FAM204A: variants seen among roughly 807,000 people sequenced by gnomAD.
FAM204A encodes the protein protein FAM204A.
In FAM204A, 16 loss-of-function variants were observed where a neutral mutation model predicts 35.4. The observed-to-expected ratio is 0.45, with a 90% CI of 0.31 to 0.69. FAM204A has a LOEUF of 0.69. FAM204A is among the 30% of genes least tolerant of loss of function. The probability of loss-of-function intolerance (pLI) is 0.07; values close to 1 mark genes in which losing one functional copy is unlikely to be tolerated. For synonymous variants in FAM204A, 76 were observed against 86.9 expected (o/e 0.88, Z 0.70); for missense variants, 240 against 265.7 (o/e 0.90, Z 0.67).
At chr10:118,316,482 C>A (rs1399449460) in intron 7 of FAM204A, among the ~76,000 whole-genome samples, 2 of 152,144 alleles carry the variant, frequency 1.3e-5, no homozygotes, top group African/African-American at 4.8e-5. Context: ...TAAATCAAAT[C>A]ATTTTCTGTC....
intron 7 of FAM204A, among the ~76,000 whole-genome samples, chr10:118,324,827 G>A (rs1846172550): frequency 6.6e-6 from 1 of 152,110 alleles, no homozygotes; most frequent in South Asian, 2.1e-4. Context: ...GATTAAGACA[G>A]TAAATTTTAT....
rs774323471 is a variant in FAM204A, at chr10:118,310,930, T to C, written c.651-22A>G. The C allele has an allele frequency of 1.3e-5, 21 of 1,562,258 alleles. No homozygotes were observed. In the Middle Eastern group the frequency reaches 1.0e-3, roughly 76 times the overall value. ...AAACCTAAAAGGAAGAACATACAAA[T>C]CTCAATTTATTTCTTAAAAAAAAAA... On this transcript the variant is annotated intron_variant, in intron 8 of 8. Coordinates refer to ENST00000369183, the MANE Select transcript of FAM204A (RefSeq NM_022063.3).
rs778043354 is a variant in FAM204A at position 118,310,488 on chromosome 10, C to CAAAA, written c.*365_*368dup. ...TGACAGAGCAAGCGAGGCTCTGTCT[C>CAAAA]AAAAAAAAAAAAAAAAAGAAAGAAA... On this transcript the variant is annotated 3_prime_UTR_variant, in exon 9 of 9. Transcript: ENST00000369183. 4 of 81,032 alleles carry CAAAA rather than the reference C, an allele frequency of 4.9e-5. No homozygotes were observed. Among genetic ancestry groups the CAAAA allele is most frequent in the Non-Finnish European group, 9.6e-5 (4 of 41,816 alleles). The allele number at this position is 81,032 out of a possible 1,614,324, so 5.0% of individuals were successfully genotyped here. A position where few individuals can be genotyped will look rare whatever the true frequency, so the allele number is the denominator to read the frequency against.
intron 2 of FAM204A, among the ~76,000 whole-genome samples, 180 bp downstream of exon 2, chr10:118,341,547 G>C (rs568205254): frequency 1.3e-5 from 2 of 152,256 alleles, no homozygotes; most frequent in African/African-American, 4.8e-5. Context: ...AGCGAATCCA[G>C]AAAAACTACT....
intron 6 of FAM204A, among the ~76,000 whole-genome samples, chr10:118,330,223 T>G (rs1846268301): frequency 6.6e-6 from 1 of 152,192 alleles, no homozygotes; most frequent in Non-Finnish European, 1.5e-5. Flanking sequence ...TATAAAACAT[T>G]AATATCAAAC....
intron 6 of FAM204A, among the ~76,000 whole-genome samples, chr10:118,333,654 C>A (rs1462678591): frequency 6.6e-6 from 1 of 152,098 alleles, no homozygotes; most frequent in Non-Finnish European, 1.5e-5. Context: ...TCCTCTTATG[C>A]TTGTGTTTAT....
chr10:118,314,246 T>C (rs1845996516), intron 7 of FAM204A, among the ~76,000 whole-genome samples: 1 of 152,186 alleles, frequency 6.6e-6, no homozygotes, highest in Admixed American at 6.5e-5. Context: ...AAAAGGTATA[T>C]TTTCTAACTG....
In FAM204A at chr10:118,299,776, A is replaced by G. The variant is rs1230204388; in HGVS notation, c.*11081T>C. On this transcript the variant is annotated 3_prime_UTR_variant, in exon 9 of 9. Coordinates refer to ENST00000369183, the MANE Select transcript of FAM204A (RefSeq NM_022063.3). ...TCACAACTAGAGAATGGAAGAGAAG[A>G]GAAATATGGTTACAAAAAGTACAAG... is the stretch of plus-strand genomic sequence containing the variant. The G allele has an allele frequency of 6.6e-6, 1 of 152,204 alleles. No individual in the cohort carries two copies. The highest frequency in any genetic ancestry group is 1.5e-5 in the Non-Finnish European group (1 of 68,050). 9.4% of individuals were successfully genotyped at this position (152,204 alleles called of 1,614,324 possible). A position where few individuals can be genotyped will look rare whatever the true frequency, so the allele number is the denominator to read the frequency against.
chr10:118,326,068 C>T (rs1299001433), intron 7 of FAM204A, 86 bp downstream of exon 7: 1 of 997,140 alleles, frequency 1.0e-6, no homozygotes, highest in African/African-American at 1.7e-5. Context: ...TATTTTAATA[C>T]TGAACTTATT....
rs575540821 is a variant in FAM204A, at chr10:118,305,783, G to C, written c.*5074C>G. The C allele has an allele frequency of 6.6e-5, 10 of 152,294 alleles. No homozygotes were observed. Among genetic ancestry groups the C allele is most frequent in the African/African-American group, 2.4e-4 (10 of 41,560 alleles). The allele number at this position is 152,294 out of a possible 1,614,324, so 9.4% of individuals were successfully genotyped here. A position where few individuals can be genotyped will look rare whatever the true frequency, so the allele number is the denominator to read the frequency against. On this transcript the variant is annotated 3_prime_UTR_variant, in exon 9 of 9. Coordinates refer to ENST00000369183, the MANE Select transcript of FAM204A (RefSeq NM_022063.3). ...TTATCTGACATATAGTAGGCATTCA[G>C]GAAATGTTCCTTGGGCATTATGTAG...
At chr10:118,336,952 A>C (rs1162284065) in intron 2 of FAM204A, among the ~76,000 whole-genome samples, 1 of 152,206 alleles carries the variant, frequency 6.6e-6, no homozygotes, top group Admixed American at 6.5e-5. Context: ...AAGTAGTTGG[A>C]GGAAGGTATC....
intron 2 of FAM204A, among the ~76,000 whole-genome samples, chr10:118,339,580 A>G (rs769582228): frequency 2.0e-5 from 3 of 152,360 alleles, no homozygotes; most frequent in Non-Finnish European, 2.9e-5. Flanking sequence ...TTTGTTTAGC[A>G]TAGATTATAG....
chr10:118,315,235 C>T (rs1350858953), intron 7 of FAM204A, among the ~76,000 whole-genome samples: 1 of 152,124 alleles, frequency 6.6e-6, no homozygotes, highest in Non-Finnish European at 1.5e-5. Flanking sequence ...ATCCTTGCAA[C>T]ACAGTACAGA....
intron 7 of FAM204A, among the ~76,000 whole-genome samples, chr10:118,314,066 T>C (rs563992940): frequency 5.9e-5 from 9 of 152,322 alleles, no homozygotes; most frequent in Non-Finnish European, 1.0e-4. Flanking sequence ...TCACAGTAAA[T>C]ACTTAACAGC....
intron 7 of FAM204A, among the ~76,000 whole-genome samples, chr10:118,314,725 A>G (rs1375390883): frequency 1.3e-5 from 2 of 152,216 alleles, no homozygotes; most frequent in East Asian, 3.8e-4. Context: ...ATAGCAACAC[A>G]ACGTGGAAAG....
intron 7 of FAM204A, among the ~76,000 whole-genome samples, chr10:118,314,405 T>C (rs1400553433): frequency 4.6e-5 from 7 of 152,176 alleles, no homozygotes; most frequent in Non-Finnish European, 1.0e-4. Context: ...ATAATTAAAA[T>C]GAACGTGTCT....
At position 118,310,625 on chromosome 10, in the gene FAM204A, A is replaced by C. The variant is rs1358672975; in HGVS notation, c.*232T>G. ...AACAAAATCCTATCCTCTTCTTTCT[A>C]TATTTTTTTTCTTACATTTCTTATA... On this transcript the variant is annotated 3_prime_UTR_variant, in exon 9 of 9. Coordinates refer to ENST00000369183, the MANE Select transcript of FAM204A (RefSeq NM_022063.3). 8.1e-6 allele frequency: 4 copies of C among 491,320 alleles called. No homozygotes were observed. Among genetic ancestry groups the C allele is most frequent in the Non-Finnish European group, 1.1e-5 (3 of 284,886 alleles). 30.4% of individuals were successfully genotyped at this position (491,320 alleles called of 1,614,324 possible). A position where few individuals can be genotyped will look rare whatever the true frequency, so the allele number is the denominator to read the frequency against.
chr10:118,317,194 A>G (rs1846044655), intron 7 of FAM204A, among the ~76,000 whole-genome samples: 1 of 152,126 alleles, frequency 6.6e-6, no homozygotes, highest in Non-Finnish European at 1.5e-5. Context: ...ATAAAATGGC[A>G]ATCATGAAGA....
chr10:118,336,340 C>T lies in FAM204A; in HGVS notation c.76G>A (p.Glu26Lys). The change falls in exon 3 of 9, where the codon GAG (glutamate) becomes AAG (lysine). Residue 26 changes from glutamate to lysine, a missense_variant. Physicochemically the swap from Glu to Lys is moderately conservative, Grantham distance 56. Around this residue, in one of 2 missense-constraint regions of FAM204A, gnomAD observed 232 missense variants for 242.8 expected, o/e 0.96. Transcript: ENST00000369183. Reference protein sequence around the residue: ...ESNSEDEATLENSGLNLQEDK... With the variant: ...ESNSEDEATLKNSGLNLQEDK... ...TCCTGTAAGTTAAGTCCAGAGTTCTCCAACGTAGCTTCATCTTCCGAGTTT... is the reference window on the plus strand; with the variant it reads ...TCCTGTAAGTTAAGTCCAGAGTTCTTCAACGTAGCTTCATCTTCCGAGTTT... 6.2e-7 allele frequency: 1 copy of T among 1,613,922 alleles called. No homozygotes were observed. Among genetic ancestry groups the T allele is most frequent in the Non-Finnish European group, 8.5e-7 (1 of 1,179,870 alleles).
Sources: allele counts gnomAD v4.1 joint callset (sites outside exome capture counted in the v4.1 genomes callset), GRCh38; gene constraint gnomAD v4.1.1; regional missense constraint gnomAD v4.1.1; transcripts MANE v1.5; gene names NCBI Gene and HGNC (gene_info 2026-07-23, HGNC 2026-07-21).